Variants in RAP1GDS1 observed in about 807,000 individuals in gnomAD.
The protein encoded by RAP1GDS1 is Rap1 GTPase-GDP dissociation stimulator 1, also known as RAP1, GTP-GDP dissociation stimulator 1.
RAP1GDS1 carries 35 observed loss-of-function variants against 71.1 expected under a neutral mutation model. That is an observed-to-expected ratio of 0.49 (90% CI 0.38 to 0.65). RAP1GDS1 has a LOEUF of 0.65. RAP1GDS1 is among the 30% of genes least tolerant of loss of function. The probability of loss-of-function intolerance (pLI) is 0.00; values close to 1 mark genes in which losing one functional copy is unlikely to be tolerated. For synonymous variants in RAP1GDS1, 229 were observed against 243.1 expected (o/e 0.94, Z 0.54); for missense variants, 663 against 706.1 (o/e 0.94, Z 0.69).
intron 14 of RAP1GDS1, among the ~76,000 whole-genome samples, chr4:98,437,476 G>T (rs1177941925): frequency 6.6e-6 from 1 of 152,108 alleles, no homozygotes; most frequent in Non-Finnish European, 1.5e-5. Context: ...TTCTGATTTT[G>T]TATGCCATAA....
intron 6 of RAP1GDS1, among the ~76,000 whole-genome samples, chr4:98,402,111 C>G (rs1745502188): frequency 2.0e-5 from 3 of 152,088 alleles, no homozygotes; most frequent in South Asian, 2.1e-4. Context: ...CTCACTGTGT[C>G]ACCCAGACTG....
At chr4:98,325,314 A>G (rs1732828779) in intron 2 of RAP1GDS1, among the ~76,000 whole-genome samples, 2 of 151,042 alleles carry the variant, frequency 1.3e-5, no homozygotes, top group Non-Finnish European at 3.0e-5. Context: ...ACACTTTTAC[A>G]CTGTTGGTGG....
In RAP1GDS1 at chr4:98,337,046, C is replaced by G. The variant is rs181943635; in HGVS notation, c.113-6093C>G. Among the ~76,000 whole-genome samples the G allele has an allele frequency of 4.3e-3, 649 of 152,244 alleles. 4 individuals are homozygous for G. The highest frequency in any genetic ancestry group is 0.015 in the African/African-American group (609 of 41,544). ...AGTAGCTGGGATTACAGGCATCCAC[C>G]ACCATGCCCAGCTAATTTTTGTATT... is the stretch of plus-strand genomic sequence containing the variant. On this transcript the variant is annotated intron_variant, in intron 2 of 14. Coordinates refer to ENST00000408927, the MANE Select transcript of RAP1GDS1 (RefSeq NM_001100427.2).
intron 1 of RAP1GDS1, among the ~76,000 whole-genome samples, chr4:98,290,239 A>G (rs1365380093): frequency 6.6e-6 from 1 of 152,068 alleles, no homozygotes; most frequent in Non-Finnish European, 1.5e-5. Flanking sequence ...TAAAGCTACC[A>G]TTTCTGAATA....
intron 2 of RAP1GDS1, among the ~76,000 whole-genome samples, 178 bp downstream of exon 2, chr4:98,293,693 C>A (rs553229454): frequency 6.6e-6 from 1 of 152,102 alleles, no homozygotes; most frequent in Non-Finnish European, 1.5e-5. Context: ...CCCTCCACGC[C>A]CCCGCAAGAT....
chr4:98,308,880 A>G (rs1050731900), intron 2 of RAP1GDS1, among the ~76,000 whole-genome samples: 2 of 152,170 alleles, frequency 1.3e-5, no homozygotes, highest in African/African-American at 2.4e-5. Flanking sequence ...TATAGTTTCA[A>G]AAGTTTTCAA....
chr4:98,403,158 C>T (rs1745670905), intron 6 of RAP1GDS1, among the ~76,000 whole-genome samples: 1 of 152,060 alleles, frequency 6.6e-6, no homozygotes, highest in African/African-American at 2.4e-5. Flanking sequence ...GCATAGATAA[C>T]AGGGTATCTA....
chr4:98,276,078 A>G (rs1578268158), intron 1 of RAP1GDS1, among the ~76,000 whole-genome samples: 1 of 152,256 alleles, frequency 6.6e-6, no homozygotes, highest in Middle Eastern at 3.4e-3. Context: ...TGGGAAGTTC[A>G]AGATCAAGGT....
intron 12 of RAP1GDS1, among the ~76,000 whole-genome samples, chr4:98,424,644 C>T (rs1749353629): frequency 6.6e-6 from 1 of 151,946 alleles, no homozygotes; most frequent in Non-Finnish European, 1.5e-5. Context: ...GCCTGTAATC[C>T]CAGCTACTGG....
chr4:98,278,215 T>G (rs1449191957), intron 1 of RAP1GDS1, among the ~76,000 whole-genome samples: 1 of 152,042 alleles, frequency 6.6e-6, no homozygotes. Flanking sequence ...ATAAAAAATG[T>G]ACAATACCCT....
chr4:98,301,089 AG>A (rs1728524222), intron 2 of RAP1GDS1, among the ~76,000 whole-genome samples: 1 of 152,072 alleles, frequency 6.6e-6, no homozygotes, highest in South Asian at 2.1e-4. Flanking sequence ...ATTCTTTCAT[AG>A]TAGTATCTTG....
chr4:98,405,833 A>C (rs1560970119), intron 7 of RAP1GDS1, among the ~76,000 whole-genome samples: 1 of 152,092 alleles, frequency 6.6e-6, no homozygotes, highest in African/African-American at 2.4e-5. Flanking sequence ...ACCAAAAAAA[A>C]CGGTAGATAT....
intron 1 of RAP1GDS1, among the ~76,000 whole-genome samples, chr4:98,282,420 A>C (rs1054110279): frequency 1.1e-4 from 16 of 152,164 alleles, no homozygotes; most frequent in Middle Eastern, 3.4e-3. Flanking sequence ...GTATTCTCTG[A>C]TGGTAGTTTA....
In RAP1GDS1 at chr4:98,403,217, G is replaced by A. The variant is rs182705082; in HGVS notation, c.638-1260G>A. On this transcript the variant is annotated intron_variant, in intron 6 of 14. Transcript: ENST00000408927. ...AAAGATAACCCAGGAGGCCAGCTGT[G>A]CTACCAGAGAGACCAGTATATATTA... is the stretch of plus-strand genomic sequence containing the variant. 8.0e-3 allele frequency among the ~76,000 whole-genome samples: 1,214 copies of A among 152,244 alleles called. 10 individuals carry two copies. The highest frequency in any genetic ancestry group is 0.013 in the Non-Finnish European group (912 of 68,010).
chr4:98,374,823 C>T (rs139830869), intron 4 of RAP1GDS1, among the ~76,000 whole-genome samples: 149 of 152,204 alleles, frequency 9.8e-4, no homozygotes, highest in African/African-American at 3.2e-3. Flanking sequence ...GGCTTGGACC[C>T]GTTCCCGCAC....
At chr4:98,439,993 C>T (rs1265396454) in intron 14 of RAP1GDS1, among the ~76,000 whole-genome samples, 4 of 152,220 alleles carry the variant, frequency 2.6e-5, no homozygotes, top group African/African-American at 9.6e-5. Flanking sequence ...AATAACTCCC[C>T]ATTTACCCCT....
At chr4:98,374,551 C>T (rs948390992) in intron 4 of RAP1GDS1, among the ~76,000 whole-genome samples, 2 of 152,042 alleles carry the variant, frequency 1.3e-5, no homozygotes, top group Admixed American at 1.3e-4. Flanking sequence ...CTTTTTATTG[C>T]AGCTGGATAT....
At chr4:98,349,360 G>A (rs1269727221) in intron 3 of RAP1GDS1, among the ~76,000 whole-genome samples, 1 of 152,090 alleles carries the variant, frequency 6.6e-6, no homozygotes, top group Non-Finnish European at 1.5e-5. Flanking sequence ...TGCTGTTTTG[G>A]TTACTGTAGC....
At chr4:98,395,552 T>TAATC (rs1744406229) in intron 6 of RAP1GDS1, among the ~76,000 whole-genome samples, 1 of 152,198 alleles carries the variant, frequency 6.6e-6, no homozygotes, top group African/African-American at 2.4e-5. Flanking sequence ...GTTTAATATT[T>TAATC]AATCCAGTCA....
Sources: allele counts gnomAD v4.1 joint callset (sites outside exome capture counted in the v4.1 genomes callset), GRCh38; gene constraint gnomAD v4.1.1; transcripts MANE v1.5; gene names NCBI Gene and HGNC (gene_info 2026-07-23, HGNC 2026-07-21).